RNF157: variants seen among roughly 807,000 people sequenced by gnomAD.
RNF157 encodes E3 ubiquitin ligase RNF157.
Under a neutral mutation model 88.3 loss-of-function variants are expected in RNF157, and 55 were observed. That is an observed-to-expected ratio of 0.62 (90% CI 0.50 to 0.78). The LOEUF is 0.78. Among genes scored for constraint, RNF157 ranks in the 30% least tolerant of loss-of-function variants. The pLI is 0.00. For missense variants in RNF157, 788 were observed against 860.8 expected (o/e 0.92, Z 1.06); for synonymous variants, 334 against 341.2 (o/e 0.98, Z 0.23).
chr17:76,227,584 G>A (rs930891890), intron 1 of RNF157, among the ~76,000 whole-genome samples: 2 of 152,010 alleles, frequency 1.3e-5, no homozygotes, highest in African/African-American at 4.8e-5. Flanking sequence ...CACACAGATA[G>A]TAAGAGGTAG....
At chr17:76,155,446 G>T in intron 15 of RNF157, 116 bp downstream of exon 15, 1 of 1,450,838 alleles carries the variant, frequency 6.9e-7, no homozygotes, top group Non-Finnish European at 9.6e-7. Context: ...GTTTTCTGCA[G>T]CACTCCTGGC....
chr17:76,192,145 A>G (rs2069397818), intron 2 of RNF157, among the ~76,000 whole-genome samples: 1 of 152,226 alleles, frequency 6.6e-6, no homozygotes, highest in African/African-American at 2.4e-5. Flanking sequence ...TATGTTTCAA[A>G]GAAATTTCGA....
chr17:76,230,531 A>G (rs2070168687), intron 1 of RNF157, among the ~76,000 whole-genome samples: 2 of 151,752 alleles, frequency 1.3e-5, no homozygotes, highest in African/African-American at 4.8e-5. Flanking sequence ...CCTCCCAATC[A>G]CTCATATTTC....
At chr17:76,229,764 G>A (rs181979844) in intron 1 of RNF157, among the ~76,000 whole-genome samples, 50 of 152,286 alleles carry the variant, frequency 3.3e-4, no homozygotes, top group Non-Finnish European at 5.3e-4. Flanking sequence ...CTAAGGGTAC[G>A]TATGGGTGCT....
chr17:76,166,226 C>T (rs1183211448), intron 6 of RNF157, among the ~76,000 whole-genome samples: 7 of 152,174 alleles, frequency 4.6e-5, no homozygotes, highest in Non-Finnish European at 7.3e-5. Context: ...CCACCCACCT[C>T]GGCCTCCCAA....
At chr17:76,233,597 G>A (rs2070232384) in intron 1 of RNF157, among the ~76,000 whole-genome samples, 1 of 152,112 alleles carries the variant, frequency 6.6e-6, no homozygotes, top group Admixed American at 6.6e-5. Flanking sequence ...AAGCGCAGTG[G>A]CACAATCATA....
rs181799645 is a variant in RNF157, at chr17:76,219,528, A to G, written c.89-7046T>C. ...TCTTAAAGTGATTATCTATAGGAGG[A>G]GGGAGGGAACGAAGTAGAAGGGACC... On this transcript the variant is annotated intron_variant, in intron 1 of 18. Transcript: ENST00000269391. Among the ~76,000 whole-genome samples, 301 of 152,218 alleles carry G rather than the reference A, an allele frequency of 2.0e-3. 1 individual carries two copies. Among genetic ancestry groups the G allele is most frequent in the African/African-American group, 6.9e-3 (287 of 41,550 alleles).
In RNF157 at chr17:76,144,916, C is replaced by A. The variant is rs1325017194; in HGVS notation, c.*319G>T. 3.1e-5 allele frequency: 8 copies of A among 254,614 alleles called. No homozygotes were observed. The highest frequency in any genetic ancestry group is 5.5e-5 in the Admixed American group (1 of 18,176). 15.8% of individuals were successfully genotyped at this position (254,614 alleles called of 1,614,324 possible). A position where few individuals can be genotyped will look rare whatever the true frequency, so the allele number is the denominator to read the frequency against. On this transcript the variant is annotated 3_prime_UTR_variant, in exon 19 of 19. Coordinates refer to ENST00000269391, the MANE Select transcript of RNF157 (RefSeq NM_052916.3). The stretch of plus-strand genomic sequence containing the variant: ...AACTCTAAGCCTTCTTGTTCTACCC[C>A]CTAAGGAGAAAAAAGATGTGTAAGA...
chr17:76,148,785 G>A (rs972549027), intron 18 of RNF157, among the ~76,000 whole-genome samples: 1 of 151,398 alleles, frequency 6.6e-6, no homozygotes, highest in Non-Finnish European at 1.5e-5. Context: ...TGCCCAGGCT[G>A]GTCTCCAGCT....
At chr17:76,145,712 T>G in intron 18 of RNF157, 1 of 192,550 alleles carries the variant, frequency 5.2e-6, no homozygotes, top group Non-Finnish European at 1.1e-5. Context: ...GAAAAGGAAA[T>G]TGGGCCTTGC....
rs202076401 is a variant in RNF157 at position 76,236,877 on chromosome 17, CAGTCTA to C, written c.88+3270_88+3275del. Among the ~76,000 whole-genome samples, 349 of 152,312 alleles carry C rather than the reference CAGTCTA, an allele frequency of 2.3e-3. 4 individuals carry two copies. Among genetic ancestry groups the C allele is most frequent in the African/African-American group, 8.0e-3 (331 of 41,572 alleles). On this transcript the variant is annotated intron_variant, in intron 1 of 18. Coordinates refer to ENST00000269391, the MANE Select transcript of RNF157 (RefSeq NM_052916.3). ...AAAGCAAACAGAGCAAGGTGTAGAA[CAGTCTA>C]ATAGCATGCTATGCTTGCATTTACA...
intron 18 of RNF157, 81 bp downstream of exon 18, chr17:76,152,274 T>C (rs1598385253): frequency 5.5e-6 from 5 of 904,676 alleles, no homozygotes; most frequent in Middle Eastern, 2.3e-4. Context: ...GGGCAGGAGA[T>C]GGGTGTACCA....
intron 1 of RNF157, among the ~76,000 whole-genome samples, chr17:76,236,127 G>A (rs576785572): frequency 2.0e-5 from 3 of 152,256 alleles, no homozygotes; most frequent in South Asian, 4.1e-4. Flanking sequence ...GCAAAAACCC[G>A]GGTTTAACCA....
At chr17:76,230,383 A>G (rs1401143591) in intron 1 of RNF157, among the ~76,000 whole-genome samples, 3 of 152,196 alleles carry the variant, frequency 2.0e-5, no homozygotes, top group Admixed American at 1.3e-4. Context: ...TAAAAATGTC[A>G]GTCATCAAAG....
At chr17:76,200,820 T>A (rs2069563164) in intron 2 of RNF157, among the ~76,000 whole-genome samples, 1 of 152,224 alleles carries the variant, frequency 6.6e-6, no homozygotes, top group African/African-American at 2.4e-5. Flanking sequence ...ACTTCCATAC[T>A]GAATCTCATA....
At chr17:76,151,787 G>A (rs2068681880) in intron 18 of RNF157, among the ~76,000 whole-genome samples, 1 of 152,152 alleles carries the variant, frequency 6.6e-6, no homozygotes, top group South Asian at 2.1e-4. Flanking sequence ...GCATAGAGGA[G>A]CCCTAACTCG....
At chr17:76,217,970 TATAAA>T (rs2069918274) in intron 1 of RNF157, among the ~76,000 whole-genome samples, 1 of 152,202 alleles carries the variant, frequency 6.6e-6, no homozygotes, top group African/African-American at 2.4e-5. Flanking sequence ...GTTTTAGTTT[TATAAA>T]ATAAAAAAGT....
chr17:76,214,394 C>G (rs974729951), intron 1 of RNF157, among the ~76,000 whole-genome samples: 1 of 152,064 alleles, frequency 6.6e-6, no homozygotes, highest in African/African-American at 2.4e-5. Context: ...ATTTCTTTGC[C>G]TAGATTTTCA....
chr17:76,180,482 GA>G (rs2069172269), intron 2 of RNF157, among the ~76,000 whole-genome samples: 1 of 152,214 alleles, frequency 6.6e-6, no homozygotes, highest in Non-Finnish European at 1.5e-5. Flanking sequence ...TGAAAAAAGA[GA>G]ATGTAAGGAA....
Sources: gnomAD v4.1 joint callset for allele counts (sites outside exome capture counted in the v4.1 genomes callset) on GRCh38, gnomAD v4.1.1 for gene constraint, MANE v1.5 for transcripts, NCBI Gene and HGNC (gene_info 2026-07-23, HGNC 2026-07-21) for gene names.